NEMP1: variants seen among roughly 807,000 people sequenced by gnomAD.
NEMP1 encodes nuclear envelope integral membrane protein 1.
A neutral mutation model predicts 53.7 loss-of-function variants in NEMP1; 29 were observed. That is an observed-to-expected ratio of 0.54 (90% CI 0.40 to 0.74). The LOEUF is 0.74. Among genes scored for constraint, NEMP1 ranks in the 30% least tolerant of loss-of-function variants. The pLI, the probability that NEMP1 is intolerant of heterozygous loss-of-function variation, is 0.00. For synonymous variants in NEMP1, 193 were observed against 192.9 expected, an observed-to-expected ratio of 1.00 and a Z score of 0.00; for missense variants, 477 against 528.6, an observed-to-expected ratio of 0.90 and a Z score of 0.96.
intron 4 of NEMP1, among the ~76,000 whole-genome samples, chr12:57,065,931 T>C (rs1403671209): frequency 6.6e-6 from 1 of 151,960 alleles, no homozygotes; most frequent in Non-Finnish European, 1.5e-5. Flanking sequence ...ACAGTTAGGG[T>C]CTTGCTCTGG....
At chr12:57,067,334 A>G (rs1177037557) in intron 4 of NEMP1, among the ~76,000 whole-genome samples, 1 of 152,120 alleles carries the variant, frequency 6.6e-6, no homozygotes, top group Non-Finnish European at 1.5e-5. Flanking sequence ...AAAAAAAAAA[A>G]AAAGAAAATG....
chr12:57,077,424 G>A (rs1159870511), intron 1 of NEMP1, among the ~76,000 whole-genome samples: 2 of 151,970 alleles, frequency 1.3e-5, no homozygotes, highest in Non-Finnish European at 2.9e-5. Context: ...TTTAAACCCA[G>A]GAGGCGGAGG....
chr12:57,087,286 G>A (rs1166406199), intron 1 of NEMP1, among the ~76,000 whole-genome samples: 6 of 150,512 alleles, frequency 4.0e-5, no homozygotes, highest in Non-Finnish European at 8.9e-5. Flanking sequence ...AAGGCTCAGC[G>A]CCGCCCCAAG....
chr12:57,059,907 G>C lies in NEMP1; in HGVS notation c.1307C>G (p.Ala436Gly). ...GGTTAGAAAGTTGTTCTGTGTGATAGCAGGACACCGAGAATATGAGTCCTC... is the reference window on the plus strand; with the variant it reads ...GGTTAGAAAGTTGTTCTGTGTGATACCAGGACACCGAGAATATGAGTCCTC... ...EEEDSYSRCP[A>G]ITQNNFLT Residue 436 changes from alanine to glycine, a missense_variant, in exon 9 of 9, where the codon GCT becomes GGT. Physicochemically the swap from Ala to Gly is moderately conservative, Grantham distance 60. Transcript: ENST00000300128. 1 of 1,613,792 alleles carries C rather than the reference G, an allele frequency of 6.2e-7. No homozygotes were observed. The highest frequency in any genetic ancestry group is 1.1e-5 in the South Asian group (1 of 91,022).
chr12:57,064,566 G>A (rs1211783143), intron 5 of NEMP1, 80 bp downstream of exon 5: 4 of 1,105,232 alleles, frequency 3.6e-6, no homozygotes, highest in Admixed American at 2.1e-5. Context: ...CACATTTTCA[G>A]TTTTCTAAGA....
chr12:57,069,167 G>T, intron 4 of NEMP1, 67 bp downstream of exon 4: 1 of 1,132,786 alleles, frequency 8.8e-7, no homozygotes, highest in Middle Eastern at 2.0e-4. Context: ...GTACTTAATA[G>T]TTACTATAAA....
At position 57,056,404 on chromosome 12, in the gene NEMP1, T is replaced by C. The variant is rs564220939; in HGVS notation, c.*3475A>G. On this transcript the variant is annotated 3_prime_UTR_variant, in exon 9 of 9. Coordinates refer to ENST00000300128, the MANE Select transcript of NEMP1 (RefSeq NM_001130963.2). The stretch of plus-strand genomic sequence containing the variant: ...GTTTAGGTGCCTTTGCCTTGTGCAA[T>C]GGATATTTCATATGTTTATTAATTG... The C allele has an allele frequency of 6.6e-6, 1 of 152,362 alleles. No homozygotes were observed. The highest frequency in any genetic ancestry group is 2.4e-5 in the African/African-American group (1 of 41,584). 9.4% of individuals were successfully genotyped at this position (152,362 alleles called of 1,614,324 possible).
chr12:57,072,043 T>C (rs1269847732), intron 2 of NEMP1, among the ~76,000 whole-genome samples: 1 of 152,212 alleles, frequency 6.6e-6, no homozygotes, highest in African/African-American at 2.4e-5. Flanking sequence ...GTTTATGAAA[T>C]ATCTCATATA....
chr12:57,070,052 G>A (rs1311882291), intron 3 of NEMP1, among the ~76,000 whole-genome samples: 1 of 152,110 alleles, frequency 6.6e-6, no homozygotes, highest in Admixed American at 6.5e-5. Context: ...CAACATCCCA[G>A]GACCCTGTGT....
upstream of NEMP1, among the ~76,000 whole-genome samples, chr12:57,079,371 A>G (rs1343329729): frequency 6.6e-6 from 1 of 152,240 alleles, no homozygotes; most frequent in Non-Finnish European, 1.5e-5. Flanking sequence ...TTATTTTTGG[A>G]AGTAAAATTA....
At chr12:57,076,344 T>G (rs1172870452) in intron 1 of NEMP1, among the ~76,000 whole-genome samples, 1 of 151,812 alleles carries the variant, frequency 6.6e-6, no homozygotes, top group Non-Finnish European at 1.5e-5. Flanking sequence ...AGCCTGGGTG[T>G]CACAGCAAAA....
Position 57,064,196 on chromosome 12 carries a change from G to A in NEMP1, c.640-11C>T, listed in dbSNP as rs2031960786. On this transcript the variant is annotated splice_polypyrimidine_tract_variant and intron_variant, in intron 5 of 8. Coordinates refer to ENST00000300128, the MANE Select transcript of NEMP1 (RefSeq NM_001130963.2). The stretch of plus-strand genomic sequence containing the variant: ...GTAAATGGGACTTTTCTAAGACAGA[G>A]AGTAGAAGTGAAAGCAAAAAGTTAC... 1 of 1,543,534 alleles carries A rather than the reference G, an allele frequency of 6.5e-7. No homozygotes were observed. The highest frequency in any genetic ancestry group is 2.3e-5 in the East Asian group (1 of 43,182).
chr12:57,073,109 TAC>T (rs1409877514), intron 1 of NEMP1, among the ~76,000 whole-genome samples, 197 bp from the exon 2 acceptor site: 2 of 151,696 alleles, frequency 1.3e-5, no homozygotes, highest in African/African-American at 2.4e-5. Flanking sequence ...ATTTAAATAT[TAC>T]ACAGTCATTC....
intron 6 of NEMP1, 72 bp from the exon 7 acceptor site, chr12:57,063,416 T>C (rs1015670526): frequency 1.6e-6 from 2 of 1,266,838 alleles, no homozygotes; most frequent in Admixed American, 1.9e-5. Flanking sequence ...TGGGAAGCAG[T>C]AGTTAATTTA....
In NEMP1 at chr12:57,063,297, A is replaced by G. The variant is rs764171259; in HGVS notation, c.802T>C (p.Tyr268His). The G allele has an allele frequency of 4.3e-6, 7 of 1,614,104 alleles. No homozygotes were observed. In the South Asian group the frequency reaches 7.7e-5, roughly 18 times the overall value. The change falls in exon 7 of 9, where the codon TAT becomes CAT. Residue 268 changes from tyrosine (Y) to histidine (H), a missense_variant. Tyr to His is a moderately conservative substitution (Grantham distance 83). Coordinates refer to ENST00000300128, the MANE Select transcript of NEMP1 (RefSeq NM_001130963.2). The part of the protein sequence containing the change: ...GFMSFAVCYK[Y>H]GPLENERSIN... Reference sequence around the variant, plus strand: ...CTTCGTTCATTCTCCAAGGGCCCATACTTGTAACATACTGCAAAACTCATG... The same window carrying G: ...CTTCGTTCATTCTCCAAGGGCCCATGCTTGTAACATACTGCAAAACTCATG...
chr12:57,088,444 A>G (rs1474757263), upstream of NEMP1, among the ~76,000 whole-genome samples: 1 of 152,168 alleles, frequency 6.6e-6, no homozygotes, highest in Non-Finnish European at 1.5e-5. Context: ...AGTGCACACT[A>G]TACGGGAGTC....
At chr12:57,072,135 G>A (rs71461311) in intron 2 of NEMP1, among the ~76,000 whole-genome samples, 7,625 of 152,212 alleles carry the variant, frequency 0.05, 288 homozygotes, top group African/African-American at 0.11. Flanking sequence ...AAGGCATAAG[G>A]CCTTTAAAAA....
chr12:57,078,621 G>C lies in NEMP1; in HGVS notation c.125C>G (p.Thr42Arg). 1.2e-6 allele frequency: 2 copies of C among 1,610,370 alleles called. No individual in the cohort carries two copies. Among genetic ancestry groups the C allele is most frequent in the Admixed American group, 1.7e-5 (1 of 59,570 alleles). Residue 42 changes from threonine (T) to arginine (R), a missense_variant and splice_region_variant, in exon 1 of 9, where the codon ACA becomes AGA. Coordinates refer to ENST00000300128, the MANE Select transcript of NEMP1 (RefSeq NM_001130963.2). ...GGCAGCTGCTGCCCGGGCGGTACCT[G>C]TGCCGTAGACCAAGCAGCCGGAGAG... ...LILSGCLVYG[T>R]AETDVNVVML...
chr12:57,064,167 T>G lies in NEMP1; in HGVS notation c.658A>C (p.Ile220Leu). The change falls in exon 6 of 9, where the codon ATC (isoleucine) becomes CTC (leucine). Residue 220 changes from isoleucine (I) to leucine (L), a missense_variant. Ile to Leu is a conservative substitution (Grantham distance 5). Coordinates refer to ENST00000300128, the MANE Select transcript of NEMP1 (RefSeq NM_001130963.2). The part of the protein sequence containing the change: ...FMPKKSPIYV[I>L]LVGGWSFSLY... Reference sequence around the variant, plus strand: ...GAAAAAGACCAGCCTCCCACCAGGATGACGTAAATGGGACTTTTCTAAGAC... The same window carrying G: ...GAAAAAGACCAGCCTCCCACCAGGAGGACGTAAATGGGACTTTTCTAAGAC... 6.2e-7 allele frequency: 1 copy of G among 1,607,330 alleles called. No individual in the cohort carries two copies. The highest frequency in any genetic ancestry group is 8.5e-7 in the Non-Finnish European group (1 of 1,177,488).
Sources: gnomAD v4.1 joint callset for allele counts (sites outside exome capture counted in the v4.1 genomes callset) on GRCh38, gnomAD v4.1.1 for gene constraint, MANE v1.5 for transcripts, NCBI Gene and HGNC (gene_info 2026-07-23, HGNC 2026-07-21) for gene names.